MEI4: variants seen among roughly 807,000 people sequenced by gnomAD.
MEI4 encodes the protein meiotic double-stranded break formation protein 4, also known as meiosis-specific protein MEI4.
MEI4 carries 27 observed loss-of-function variants against 31.4 expected under a neutral mutation model. That is an observed-to-expected ratio of 0.86 (90% CI 0.63 to 1.19). The LOEUF (loss-of-function observed/expected upper bound fraction) is 1.19, where lower values mean the gene tolerates loss of function less well. Among genes scored for constraint, MEI4 ranks in the 50% most tolerant of loss-of-function variants. The pLI is 0.00. For missense variants in MEI4, 329 were observed against 398.9 expected, an observed-to-expected ratio of 0.82 and a Z score of 1.49; for synonymous variants, 122 against 145.4, an observed-to-expected ratio of 0.84 and a Z score of 1.16.
At chr6:77,686,748 C>T (rs1769061675) in intron 1 of MEI4, among the ~76,000 whole-genome samples, 1 of 151,918 alleles carries the variant, frequency 6.6e-6, no homozygotes, top group South Asian at 2.1e-4. Flanking sequence ...AATCTTAGAA[C>T]TTGTATTGCT....
intron 4 of MEI4, among the ~76,000 whole-genome samples, chr6:77,850,180 A>C (rs951075811): frequency 6.6e-6 from 1 of 152,020 alleles, no homozygotes; most frequent in Admixed American, 6.6e-5. Flanking sequence ...ATCCCTTGTA[A>C]GTTGAATATC....
chr6:77,686,056 G>A (rs757536023), intron 1 of MEI4, among the ~76,000 whole-genome samples: 2 of 151,998 alleles, frequency 1.3e-5, no homozygotes, highest in Non-Finnish European at 2.9e-5. Context: ...AAGAGTCTGG[G>A]ACCTCCCTCC....
chr6:77,857,385 C>T (rs1770771055), intron 4 of MEI4, among the ~76,000 whole-genome samples: 1 of 152,096 alleles, frequency 6.6e-6, no homozygotes, highest in Non-Finnish European at 1.5e-5. Flanking sequence ...GGGACATTGG[C>T]TTCATCACAA....
intron 3 of MEI4, among the ~76,000 whole-genome samples, chr6:77,788,942 C>T (rs1050679973): frequency 3.9e-5 from 6 of 152,108 alleles, no homozygotes; most frequent in Non-Finnish European, 5.9e-5. Flanking sequence ...GCCCCTATTG[C>T]CAAGTAAATC....
intron 2 of MEI4, among the ~76,000 whole-genome samples, chr6:77,715,144 G>C (rs1766550869): frequency 6.6e-6 from 1 of 151,932 alleles, no homozygotes. Flanking sequence ...TATTTAGTTT[G>C]GTTTATTCTC....
chr6:77,868,475 G>C (rs916251207), intron 4 of MEI4, among the ~76,000 whole-genome samples: 4 of 71,406 alleles, frequency 5.6e-5, no homozygotes, highest in African/African-American at 1.8e-4. Context: ...TTAATGAAAG[G>C]AAAAAACTTC....
chr6:77,748,496 G>C (rs750022314), intron 2 of MEI4, among the ~76,000 whole-genome samples: 29 of 152,170 alleles, frequency 1.9e-4, no homozygotes, highest in Non-Finnish European at 3.7e-4. Context: ...CAAGTCCCTA[G>C]GCTGCACAGA....
Position 77,740,821 on chromosome 6 carries a change from T to A in MEI4, c.233-20309T>A, listed in dbSNP as rs534578810. ...TTGAACATATATATTTTGAAAAAAA[T>A]ATATATATAATATGAATTCAGACCA... On this transcript the variant is annotated intron_variant, in intron 2 of 4. Transcript: ENST00000684080. 3.4e-3 allele frequency among the ~76,000 whole-genome samples: 515 copies of A among 151,760 alleles called. 3 individuals are homozygous for A. Among genetic ancestry groups the A allele is most frequent in the African/African-American group, 0.01 (431 of 41,424 alleles).
At chr6:77,901,496 G>A (rs886889852) in intron 4 of MEI4, among the ~76,000 whole-genome samples, 1 of 151,844 alleles carries the variant, frequency 6.6e-6, no homozygotes, top group African/African-American at 2.4e-5. Context: ...ATACCTATTG[G>A]CTGTTTGTAT....
intron 3 of MEI4, among the ~76,000 whole-genome samples, chr6:77,795,669 A>T (rs1322887128): frequency 6.6e-6 from 1 of 152,122 alleles, no homozygotes; most frequent in African/African-American, 2.4e-5. Flanking sequence ...ACCTAGAAGA[A>T]ATTGATAAAT....
intron 2 of MEI4, among the ~76,000 whole-genome samples, chr6:77,698,809 T>C (rs1049169988): frequency 2.0e-4 from 30 of 152,342 alleles, no homozygotes; most frequent in African/African-American, 7.2e-4. Context: ...ATCTGAACGT[T>C]GGCCTGCCTT....
chr6:77,923,879 A>G lies in MEI4; in HGVS notation c.*533A>G, dbSNP rs1306260433. 1.3e-5 allele frequency: 2 copies of G among 151,804 alleles called. No homozygotes were observed. Among genetic ancestry groups the G allele is most frequent in the Non-Finnish European group, 2.9e-5 (2 of 67,842 alleles). 9.4% of individuals were successfully genotyped at this position (151,804 alleles called of 1,614,324 possible). ...AAGTAGAACTTTTTTAACATTTGGA[A>G]ACTTAATTGCTTTTTATTTATTTCA... On this transcript the variant is annotated 3_prime_UTR_variant, in exon 5 of 5. Transcript: ENST00000684080.
intron 4 of MEI4, among the ~76,000 whole-genome samples, chr6:77,916,763 A>T (rs1391494449): frequency 5.6e-5 from 3 of 53,874 alleles, no homozygotes; most frequent in African/African-American, 3.6e-4. Context: ...TGCACCTCTA[A>T]TTCTTTTTTT....
rs1362614801 is a variant in MEI4, at chr6:77,924,530, C to CAGGTCACTCAAGGATCAGCTGATTTGG, written c.*1186_*1212dup. ...AACAATAATATTTCTCAGATATATG[C>CAGGTCACTCAAGGATCAGCTGATTTGG]AGGTCACTCAAGGATCAGCTGATTT... On this transcript the variant is annotated 3_prime_UTR_variant, in exon 5 of 5. Coordinates refer to ENST00000684080, the MANE Select transcript of MEI4 (RefSeq NM_001322247.2). 3 of 151,768 alleles carry CAGGTCACTCAAGGATCAGCTGATTTGG rather than the reference C, an allele frequency of 2.0e-5. No homozygotes were observed. Among genetic ancestry groups the CAGGTCACTCAAGGATCAGCTGATTTGG allele is most frequent in the Non-Finnish European group, 4.4e-5 (3 of 67,894 alleles). The allele number at this position is 151,768 out of a possible 1,614,324, so 9.4% of individuals were successfully genotyped here.
chr6:77,900,210 C>T (rs773789497), intron 4 of MEI4, among the ~76,000 whole-genome samples: 17 of 152,118 alleles, frequency 1.1e-4, no homozygotes, highest in East Asian at 1.9e-4. Flanking sequence ...GAAATTAGTA[C>T]ATCCAAATTC....
At chr6:77,848,285 G>T (rs1453809423) in intron 4 of MEI4, among the ~76,000 whole-genome samples, 1 of 152,120 alleles carries the variant, frequency 6.6e-6, no homozygotes, top group Non-Finnish European at 1.5e-5. Flanking sequence ...TGTTAGTGTA[G>T]AGTAGGTATG....
At chr6:77,897,366 CTTTGTAGGCCT>C (rs1766102894) in intron 4 of MEI4, among the ~76,000 whole-genome samples, 1 of 151,914 alleles carries the variant, frequency 6.6e-6, no homozygotes, top group South Asian at 2.1e-4. Flanking sequence ...ACAAACTCCT[CTTTGTAGGCCT>C]TTTCTTCAGT....
chr6:77,795,620 A>C (rs9343662), intron 3 of MEI4, among the ~76,000 whole-genome samples: 2,883 of 152,262 alleles, frequency 0.019, 65 homozygotes, highest in East Asian at 0.088. Context: ...ACAAAAATGC[A>C]AAAAATCCTG....
intron 4 of MEI4, among the ~76,000 whole-genome samples, chr6:77,887,911 G>T (rs1232918643): frequency 6.6e-6 from 1 of 152,134 alleles, no homozygotes. Context: ...TCTCTCTTTA[G>T]ATCTATTGGT....
Sources: gnomAD v4.1 joint callset for allele counts (sites outside exome capture counted in the v4.1 genomes callset) on GRCh38, gnomAD v4.1.1 for gene constraint, MANE v1.5 for transcripts, NCBI Gene and HGNC (gene_info 2026-07-23, HGNC 2026-07-21) for gene names.